Variants in TUBGCP2 observed in about 807,000 individuals in gnomAD.
The protein encoded by TUBGCP2 is gamma-tubulin complex component 2.
TUBGCP2 carries 55 observed loss-of-function variants against 92.2 expected under a neutral mutation model. The ratio of observed to expected loss-of-function variants is 0.60; its 90% CI spans 0.48 to 0.75. The LOEUF (loss-of-function observed/expected upper bound fraction) is 0.75. TUBGCP2 is among the 30% of genes least tolerant of loss of function. TUBGCP2 has a pLI of 0.00. For missense variants in TUBGCP2, 1,093 were observed against 1,188.9 expected, an observed-to-expected ratio of 0.92 and a Z score of 1.19; for synonymous variants, 533 against 505.2, an observed-to-expected ratio of 1.06 and a Z score of -0.74.
intron 8 of TUBGCP2, chr10:133,291,095 G>A (rs1009952005): frequency 1.2e-4 from 33 of 272,396 alleles, no homozygotes; most frequent in Admixed American, 5.1e-4. Context: ...TTAATGTCCT[G>A]CACACAAAAG....
chr10:133,285,339 G>A lies in TUBGCP2; in HGVS notation c.1895+117C>T, dbSNP rs749617062. On this transcript the variant is annotated intron_variant, in intron 12 of 17. Coordinates refer to ENST00000252936, the MANE Select transcript of TUBGCP2 (RefSeq NM_006659.4). This position sits in a 1 kb window ranked among gnomAD's most constrained non-coding sequence, Gnocchi z 6.8. ...CCCGTGAATCTCTCGGACACTGAAG[G>A]CCGGGGAGAGCCGCCTTGGGTCCTC... 1.9e-6 allele frequency: 3 copies of A among 1,586,994 alleles called. No individual in the cohort carries two copies. The East Asian group carries it at 6.8e-5, about 36-fold the overall frequency.
At chr10:133,309,476 G>C (rs752239129), upstream of TUBGCP2, 1 of 1,609,990 alleles carries the variant, frequency 6.2e-7, no homozygotes, top group Non-Finnish European at 8.5e-7. Context: ...AAGCGAATGG[G>C]CAGTGCCTAG....
At position 133,282,234 on chromosome 10, in the gene TUBGCP2, G is replaced by A. The variant is rs1173813475; in HGVS notation, c.2398C>T (p.Leu800Phe). The A allele has an allele frequency of 6.2e-7, 1 of 1,611,642 alleles. No homozygotes were observed. Among genetic ancestry groups the A allele is most frequent in the African/African-American group, 1.3e-5 (1 of 74,858 alleles). The change falls in exon 16 of 18, where the codon CTC becomes TTC. Residue 800 changes from leucine (L) to phenylalanine (F), a missense_variant. This residue lies in a region of TUBGCP2 where 598 missense variants were observed against 675.5 expected (regional missense o/e 0.89). Coordinates refer to ENST00000252936, the MANE Select transcript of TUBGCP2 (RefSeq NM_006659.4). The stretch of plus-strand genomic sequence containing the variant: ...TGGAGGCCACGCACCTTCCTGGCGA[G>A]CTCCTTCCGGGCCCGCTCCTCGGCC... Reference protein sequence around the residue: ...AGAEERARKELARKHLAEHAD... With the variant: ...AGAEERARKEFARKHLAEHAD...
At chr10:133,311,794 G>A (rs761465620), upstream of TUBGCP2, 30 of 1,613,550 alleles carry the variant, frequency 1.9e-5, no homozygotes, top group Non-Finnish European at 2.5e-5. Context: ...CTGAGCCTGT[G>A]GCAGCCTCCC....
chr10:133,290,253 G>C lies in TUBGCP2; in HGVS notation c.1215-284C>G, dbSNP rs1222650295. ...CTCACGCCTGTAACCCCAGCACTTT[G>C]GGAGGCTGAGGTGGGCAGATCACGA... On this transcript the variant is annotated intron_variant, in intron 8 of 17. Transcript: ENST00000252936. 2.6e-5 allele frequency: 9 copies of C among 348,778 alleles called. No homozygotes were observed. In the East Asian group the frequency reaches 4.8e-4, roughly 19 times the overall value. 21.6% of individuals were successfully genotyped at this position (348,778 alleles called of 1,614,324 possible). A position where few individuals can be genotyped will look rare whatever the true frequency, so the allele number is the denominator to read the frequency against.
chr10:133,287,349 C>A (rs1055851878), intron 11 of TUBGCP2, among the ~76,000 whole-genome samples: 2 of 152,218 alleles, frequency 1.3e-5, no homozygotes, highest in African/African-American at 4.8e-5. Flanking sequence ...TGGGGAGGCG[C>A]AGGTGAAGGA....
chr10:133,285,286 C>T lies in TUBGCP2; in HGVS notation c.1896-73G>A. The T allele has an allele frequency of 1.2e-6, 2 of 1,601,294 alleles. No homozygotes were observed. Among genetic ancestry groups the T allele is most frequent in the Non-Finnish European group, 1.7e-6 (2 of 1,177,536 alleles). On this transcript the variant is annotated intron_variant, in intron 12 of 17. Coordinates refer to ENST00000252936, the MANE Select transcript of TUBGCP2 (RefSeq NM_006659.4). This position sits in a 1 kb window ranked among gnomAD's most constrained non-coding sequence, Gnocchi z 6.8. ...CGTCGTGGACACGGCGTCTGTACTC[C>T]ACAGTCCGCACCGTGGCCCCCGGAC... is the stretch of plus-strand genomic sequence containing the variant.
Position 133,289,884 on chromosome 10 carries a change from T to C in TUBGCP2, c.1300A>G (p.Ile434Val). 6.2e-7 allele frequency: 1 copy of C among 1,602,112 alleles called. No homozygotes were observed. Among genetic ancestry groups the C allele is most frequent in the Non-Finnish European group, 8.5e-7 (1 of 1,174,852 alleles). The change falls in exon 9 of 18, where the codon ATC becomes GTC. Residue 434 changes from isoleucine to valine, a missense_variant. Transcript: ENST00000252936. The stretch of plus-strand genomic sequence containing the variant: ...AAGGACGGGATCTGCTGCTGGACGA[T>C]GGTGTACCGCTGGTCCCAGTACTTG... Reference protein sequence around the residue: ...NDKYWDQRYTIVQQQIPSFLQ... With the variant: ...NDKYWDQRYTVVQQQIPSFLQ...
intron 17 of TUBGCP2, among the ~76,000 whole-genome samples, chr10:133,280,572 G>A (rs560655438): frequency 5.3e-5 from 8 of 152,196 alleles, no homozygotes; most frequent in Non-Finnish European, 8.8e-5. Flanking sequence ...ACACACAGCC[G>A]CAGGGTGCCA....
At chr10:133,296,367 C>T (rs1847487547) in intron 5 of TUBGCP2, among the ~76,000 whole-genome samples, 1 of 152,204 alleles carries the variant, frequency 6.6e-6, no homozygotes, top group South Asian at 2.1e-4. Flanking sequence ...GCCCACCACT[C>T]CCCGGCTGCC....
At chr10:133,300,388 C>A in intron 2 of TUBGCP2, 1 of 277,194 alleles carries the variant, frequency 3.6e-6, no homozygotes, top group Non-Finnish European at 6.9e-6. Context: ...CCAGCCTGGC[C>A]AAAATAACAA....
chr10:133,308,973 C>T (rs1486640835), upstream of TUBGCP2: 1 of 1,243,268 alleles, frequency 8.0e-7, no homozygotes, highest in East Asian at 3.2e-5. Flanking sequence ...TGTGCGCCCG[C>T]CTCGCTGCGG....
chr10:133,287,956 A>C (rs1564936827), intron 11 of TUBGCP2, among the ~76,000 whole-genome samples, 173 bp downstream of exon 11: 1 of 152,146 alleles, frequency 6.6e-6, no homozygotes, highest in Admixed American at 6.5e-5. Context: ...GAGCACAGGC[A>C]CAAAGACCCC....
chr10:133,309,553 C>A, upstream of TUBGCP2: 1 of 1,441,714 alleles, frequency 6.9e-7, no homozygotes, highest in Non-Finnish European at 9.5e-7. Context: ...GCCGCTCTTC[C>A]ATGTGCGGCC....
intron 4 of TUBGCP2, among the ~76,000 whole-genome samples, chr10:133,298,445 G>A (rs1375715212): frequency 1.3e-5 from 2 of 152,254 alleles, no homozygotes; most frequent in East Asian, 1.9e-4. Context: ...AAAGGAGGGC[G>A]CCCTGTGAAC....
upstream of TUBGCP2, chr10:133,310,584 G>A: frequency 2.3e-6 from 1 of 430,016 alleles, no homozygotes; most frequent in Non-Finnish European, 4.3e-6. Context: ...ACCCCTCTGG[G>A]CCATGCCTGT....
rs538546196 is a variant in TUBGCP2, at chr10:133,279,798, G to A, written c.2677C>T (p.Pro893Ser). 2.4e-5 allele frequency: 38 copies of A among 1,570,042 alleles called. 1 individual carries two copies. In the South Asian group the frequency reaches 3.6e-4, roughly 15 times the overall value. The change falls in exon 18 of 18, where the codon CCT becomes TCT. Residue 893 changes from proline (P) to serine (S), a missense_variant. By Grantham distance (74) the Pro-to-Ser change is moderately conservative. This residue lies in a region of TUBGCP2 where 598 missense variants were observed against 675.5 expected (regional missense o/e 0.89). Transcript: ENST00000252936. The part of the protein sequence containing the change: ...QVPVLRGPPA[P>S]APRVAVTAQ Reference sequence around the variant, plus strand: ...GCGGTGACTGCGACCCTGGGTGCAGGAGCCGGGGGCCCCCGCAGGACAGGC... The same window carrying A: ...GCGGTGACTGCGACCCTGGGTGCAGAAGCCGGGGGCCCCCGCAGGACAGGC...
intron 5 of TUBGCP2, among the ~76,000 whole-genome samples, chr10:133,296,846 A>C (rs1265919402): frequency 6.6e-6 from 1 of 152,148 alleles, no homozygotes; most frequent in African/African-American, 2.4e-5. Flanking sequence ...AACTTACAGC[A>C]GGGTTTTTCT....
upstream of TUBGCP2, chr10:133,311,550 T>G: frequency 1.5e-5 from 9 of 606,032 alleles, no homozygotes; most frequent in South Asian, 1.9e-4. Flanking sequence ...ATCATTCTCC[T>G]TTTCCCAGTA....
Sources: allele counts gnomAD v4.1 joint callset (sites outside exome capture counted in the v4.1 genomes callset), GRCh38; gene constraint gnomAD v4.1.1; regional missense constraint gnomAD v4.1.1; non-coding constraint Gnocchi (gnomAD v3.1); transcripts MANE v1.5; gene names NCBI Gene and HGNC (gene_info 2026-07-23, HGNC 2026-07-21).